Variants in CCDC91 observed in about 807,000 individuals in gnomAD.
CCDC91 encodes coiled-coil domain containing 91.
Under a neutral mutation model 63.2 loss-of-function variants are expected in CCDC91, and 48 were observed. The ratio of observed to expected loss-of-function variants is 0.76; its 90% CI spans 0.60 to 0.97. CCDC91 has a LOEUF of 0.97. Ranked by LOEUF, CCDC91 falls within the 50% of genes least tolerant of loss-of-function variation. The pLI is 0.00. For synonymous variants in CCDC91, 167 were observed against 165.8 expected (o/e 1.01, Z -0.06); for missense variants, 500 against 494.6 (o/e 1.01, Z -0.10).
chr12:28,355,441 G>A (rs1943459986), intron 6 of CCDC91, among the ~76,000 whole-genome samples: 1 of 152,128 alleles, frequency 6.6e-6, no homozygotes, highest in African/African-American at 2.4e-5. Context: ...TGTGCTAATG[G>A]AGAATTGACA....
chr12:28,225,997 CAAGGGAATT>C (rs1213742878), intron 1 of CCDC91: 1 of 152,172 alleles, frequency 6.6e-6, no homozygotes, highest in African/African-American at 2.4e-5. Flanking sequence ...AGGCCAGAGC[CAAGGGAATT>C]AGAATTTCTG....
chr12:28,406,685 C>T (rs939528272), intron 8 of CCDC91, among the ~76,000 whole-genome samples: 3 of 152,126 alleles, frequency 2.0e-5, no homozygotes, highest in East Asian at 1.9e-4. Context: ...ATCCAAGAAA[C>T]CATTGCCTAA....
intron 11 of CCDC91, among the ~76,000 whole-genome samples, chr12:28,467,381 A>G (rs1950598387): frequency 6.6e-6 from 1 of 152,104 alleles, no homozygotes; most frequent in Admixed American, 6.5e-5. Flanking sequence ...TATATAAGGA[A>G]AAAGGAATCA....
At chr12:28,475,370 G>A (rs370443885) in intron 11 of CCDC91, among the ~76,000 whole-genome samples, 1 of 152,086 alleles carries the variant, frequency 6.6e-6, no homozygotes, top group Non-Finnish European at 1.5e-5. Context: ...AGCTGTTAGA[G>A]TATTCATGAA....
chr12:28,485,996 T>G (rs2140942430), intron 12 of CCDC91, among the ~76,000 whole-genome samples: 1 of 152,318 alleles, frequency 6.6e-6, no homozygotes, highest in East Asian at 1.9e-4. Flanking sequence ...TAAGAACACT[T>G]AACATGAGTT....
intron 8 of CCDC91, among the ~76,000 whole-genome samples, chr12:28,425,365 CA>C (rs1479355025): frequency 6.6e-6 from 1 of 152,124 alleles, no homozygotes; most frequent in Non-Finnish European, 1.5e-5. Flanking sequence ...CCTTCTCACT[CA>C]CTGTTCAGTA....
intron 12 of CCDC91, among the ~76,000 whole-genome samples, chr12:28,523,609 C>T (rs1041525316): frequency 1.3e-5 from 2 of 152,120 alleles, no homozygotes; most frequent in African/African-American, 4.8e-5. Flanking sequence ...GAATTTCATC[C>T]TGTCATTATG....
intron 5 of CCDC91, 52 bp from the exon 6 acceptor site, chr12:28,307,593 A>G: frequency 1.0e-6 from 1 of 952,390 alleles, no homozygotes; most frequent in Non-Finnish European, 1.6e-6. Flanking sequence ...AAAACTAATT[A>G]TATTTTATGC....
At chr12:28,457,304 T>A (rs1950099369) in intron 11 of CCDC91, among the ~76,000 whole-genome samples, 2 of 151,972 alleles carry the variant, frequency 1.3e-5, no homozygotes, top group Non-Finnish European at 2.9e-5. Context: ...GAGTATTAAC[T>A]GAAGGGACTG....
intron 6 of CCDC91, among the ~76,000 whole-genome samples, chr12:28,336,863 A>G (rs1942021086): frequency 6.6e-6 from 1 of 152,152 alleles, no homozygotes; most frequent in Non-Finnish European, 1.5e-5. Context: ...TTTTTAAACT[A>G]AAATTTGATA....
chr12:28,256,278 G>A (rs111836924), intron 1 of CCDC91, among the ~76,000 whole-genome samples: 1 of 152,040 alleles, frequency 6.6e-6, no homozygotes, highest in Admixed American at 6.6e-5. Flanking sequence ...ATTACTTGCA[G>A]CTATAGATTC....
intron 12 of CCDC91, among the ~76,000 whole-genome samples, chr12:28,521,053 G>A (rs1357779746): frequency 4.6e-5 from 7 of 152,108 alleles, no homozygotes; most frequent in Non-Finnish European, 7.4e-5. Context: ...TTGGCAATGC[G>A]GGCTCTTTTT....
chr12:28,467,927 C>T (rs577695206), intron 11 of CCDC91, among the ~76,000 whole-genome samples: 2 of 151,932 alleles, frequency 1.3e-5, no homozygotes, highest in East Asian at 3.9e-4. Flanking sequence ...CATACCAAAA[C>T]CTATGTGATA....
At chr12:28,262,991 G>A (rs1348605454) in intron 3 of CCDC91, among the ~76,000 whole-genome samples, 1 of 152,042 alleles carries the variant, frequency 6.6e-6, no homozygotes, top group African/African-American at 2.4e-5. Context: ...CTTGAAGCCT[G>A]TAAGCCAAAC....
intron 12 of CCDC91, among the ~76,000 whole-genome samples, chr12:28,487,523 C>CTTCT (rs1475837609): frequency 6.6e-6 from 1 of 151,736 alleles, no homozygotes; most frequent in African/African-American, 2.4e-5. Flanking sequence ...AATTCATAAT[C>CTTCT]TTCTTGTCTG....
At chr12:28,453,773 C>T (rs537924787) in intron 11 of CCDC91, among the ~76,000 whole-genome samples, 4 of 152,036 alleles carry the variant, frequency 2.6e-5, no homozygotes, top group Non-Finnish European at 4.4e-5. Context: ...GAATTTCATG[C>T]CAGTAAGGTC....
At chr12:28,448,449 A>G (rs1166402982) in intron 8 of CCDC91, among the ~76,000 whole-genome samples, 1 of 152,190 alleles carries the variant, frequency 6.6e-6, no homozygotes, top group East Asian at 1.9e-4. Context: ...TTGTTCTTAC[A>G]CAAACAAGCT....
At chr12:28,206,061 A>G (rs73263411) in intron 1 of CCDC91, among the ~76,000 whole-genome samples, 6,949 of 152,254 alleles carry the variant, frequency 0.046, 470 homozygotes, top group African/African-American at 0.15. Flanking sequence ...TCCTGTTTAC[A>G]GGGGAAAAAC....
At chr12:28,334,929 C>A (rs1007314266) in intron 6 of CCDC91, among the ~76,000 whole-genome samples, 1 of 150,734 alleles carries the variant, frequency 6.6e-6, no homozygotes, top group Non-Finnish European at 1.5e-5. Context: ...TAAAATGTCT[C>A]CTTAATAGGG....
Sources: allele counts gnomAD v4.1 joint callset (sites outside exome capture counted in the v4.1 genomes callset), GRCh38; gene constraint gnomAD v4.1.1; transcripts MANE v1.5; gene names NCBI Gene and HGNC (gene_info 2026-07-23, HGNC 2026-07-21).